Variants in CENPP observed in about 807,000 individuals in gnomAD.
CENPP encodes centromere protein P.
In CENPP, 24 loss-of-function variants were observed where a neutral mutation model predicts 35.6. The ratio of observed to expected loss-of-function variants is 0.67; its 90% CI spans 0.49 to 0.95. The LOEUF is 0.95. Ranked by LOEUF, CENPP falls within the 40% of genes least tolerant of loss-of-function variation. The pLI is 0.00. For synonymous variants in CENPP, 120 were observed against 125.5 expected (o/e 0.96, Z 0.29); for missense variants, 332 against 345.3 (o/e 0.96, Z 0.31).
intron 5 of CENPP, among the ~76,000 whole-genome samples, chr9:92,551,386 G>A (rs1233058392): frequency 6.6e-6 from 1 of 152,056 alleles, no homozygotes. Context: ...CACCCAAGCT[G>A]GACTGTAGTG....
chr9:92,566,381 G>A (rs1849969217), intron 5 of CENPP, among the ~76,000 whole-genome samples: 1 of 151,044 alleles, frequency 6.6e-6, no homozygotes, highest in Non-Finnish European at 1.5e-5. Context: ...TAAATAAACA[G>A]AAACTGTCCA....
chr9:92,359,807 T>A (rs1841695489), intron 4 of CENPP, among the ~76,000 whole-genome samples: 1 of 151,914 alleles, frequency 6.6e-6, no homozygotes, highest in Non-Finnish European at 1.5e-5. Context: ...TTTTTTTGCT[T>A]GCTCTGGCTT....
Position 92,452,591 on chromosome 9 carries a change from T to A in CENPP, c.564+72732T>A, listed in dbSNP as rs183528406. Among the ~76,000 whole-genome samples the A allele has an allele frequency of 3.8e-3, 574 of 152,312 alleles. 4 individuals are homozygous for A. Among genetic ancestry groups the A allele is most frequent in the African/African-American group, 0.013 (526 of 41,560 alleles). ...TTGTGGTGTCTCTGCCAGGCTTTGGTATCAGGATGATGCTGGCCTCATAAA... is the reference window on the plus strand; with the variant it reads ...TTGTGGTGTCTCTGCCAGGCTTTGGAATCAGGATGATGCTGGCCTCATAAA... On this transcript the variant is annotated intron_variant, in intron 5 of 7. Coordinates refer to ENST00000375587, the MANE Select transcript of CENPP (RefSeq NM_001012267.3).
chr9:92,510,128 T>A, intron 5 of CENPP: 1 of 1,395,802 alleles, frequency 7.2e-7, no homozygotes, highest in Non-Finnish European at 9.6e-7. Context: ...CTCACAAACC[T>A]ATCCTTCCTT....
intron 5 of CENPP, among the ~76,000 whole-genome samples, chr9:92,535,327 CT>C (rs1162981986): frequency 6.6e-6 from 1 of 152,096 alleles, no homozygotes; most frequent in Non-Finnish European, 1.5e-5. Flanking sequence ...TTAATATTTG[CT>C]TTCATAAACA....
intron 5 of CENPP, among the ~76,000 whole-genome samples, chr9:92,462,351 C>T (rs1016260094): frequency 6.6e-6 from 1 of 152,152 alleles, no homozygotes; most frequent in African/African-American, 2.4e-5. Context: ...GGCAGGTGCC[C>T]AGTGAATAAT....
chr9:92,392,799 G>A (rs1170582671), intron 5 of CENPP, among the ~76,000 whole-genome samples: 1 of 152,192 alleles, frequency 6.6e-6, no homozygotes, highest in Non-Finnish European at 1.5e-5. Flanking sequence ...AGTGTCTGAA[G>A]CAAGGGATCT....
chr9:92,596,233 A>G (rs1850776166), intron 5 of CENPP, among the ~76,000 whole-genome samples: 1 of 152,136 alleles, frequency 6.6e-6, no homozygotes, highest in Non-Finnish European at 1.5e-5. Context: ...TCCTCGGTTC[A>G]AGTGATCCTC....
intron 5 of CENPP, among the ~76,000 whole-genome samples, chr9:92,608,707 C>T (rs1274914623): frequency 6.6e-6 from 1 of 152,248 alleles, no homozygotes; most frequent in East Asian, 1.9e-4. Flanking sequence ...AGAACCTTTG[C>T]ACACAGTCCC....
chr9:92,597,764 A>T (rs1444364070), intron 5 of CENPP, among the ~76,000 whole-genome samples: 1 of 152,226 alleles, frequency 6.6e-6, no homozygotes, highest in Non-Finnish European at 1.5e-5. Context: ...TAAAATTACT[A>T]CATGATTAAC....
chr9:92,449,659 T>C (rs953846757), intron 5 of CENPP, among the ~76,000 whole-genome samples: 1 of 151,954 alleles, frequency 6.6e-6, no homozygotes, highest in Non-Finnish European at 1.5e-5. Context: ...TGGGAGGTGA[T>C]TGGATCATGG....
chr9:92,455,775 T>G, intron 5 of CENPP, among the ~76,000 whole-genome samples: 1 of 152,172 alleles, frequency 6.6e-6, no homozygotes, highest in East Asian at 1.9e-4. Context: ...TTATTGTTAT[T>G]AAGAATTTAC....
In CENPP at chr9:92,619,531, T is replaced by G. The variant is rs1349678548; in HGVS notation, c.*6382T>G. The stretch of plus-strand genomic sequence containing the variant: ...AGACAGTGCAATCATGATGGAGCAG[T>G]CCTTGGCAGTCATGGCGACGCGGTA... On this transcript the variant is annotated 3_prime_UTR_variant, in exon 8 of 8. Transcript: ENST00000375587. 6.3e-7 allele frequency: 1 copy of G among 1,592,230 alleles called. No homozygotes were observed. Among genetic ancestry groups the G allele is most frequent in the East Asian group, 2.3e-5 (1 of 44,262 alleles).
At chr9:92,568,996 G>A (rs1850067099) in intron 5 of CENPP, among the ~76,000 whole-genome samples, 1 of 152,012 alleles carries the variant, frequency 6.6e-6, no homozygotes, top group Non-Finnish European at 1.5e-5. Flanking sequence ...TTGTCAGATG[G>A]GTAGATTGTA....
At chr9:92,416,094 ATTTATTTTATTTTTT>A (rs1843599744) in intron 5 of CENPP, among the ~76,000 whole-genome samples, 2 of 137,304 alleles carry the variant, frequency 1.5e-5, no homozygotes, top group Non-Finnish European at 3.2e-5. Flanking sequence ...TTATTTATTT[ATTTATTTTATTTTTT>A]TTTTTTTTAA....
At chr9:92,541,399 T>G (rs1013459543) in intron 5 of CENPP, among the ~76,000 whole-genome samples, 2 of 136,288 alleles carry the variant, frequency 1.5e-5, no homozygotes, top group African/African-American at 2.9e-5. Flanking sequence ...CAACCTCCAC[T>G]GCCACCCCCC....
At chr9:92,424,482 T>C (rs563252792) in intron 5 of CENPP, 1 of 152,346 alleles carries the variant, frequency 6.6e-6, no homozygotes, top group East Asian at 1.9e-4. Flanking sequence ...GGCTTACTTC[T>C]TTCTTTTCCC....
At chr9:92,347,800 A>G (rs1170751562) in intron 4 of CENPP, among the ~76,000 whole-genome samples, 1 of 152,182 alleles carries the variant, frequency 6.6e-6, no homozygotes, top group Non-Finnish European at 1.5e-5. Context: ...CAACCATTGT[A>G]TTATTATTTT....
intron 5 of CENPP, among the ~76,000 whole-genome samples, chr9:92,450,099 A>G (rs981047932): frequency 6.6e-6 from 1 of 151,798 alleles, no homozygotes; most frequent in African/African-American, 2.4e-5. Flanking sequence ...TTTTATTATT[A>G]TTATTATTAT....
Sources: gnomAD v4.1 joint callset for allele counts (sites outside exome capture counted in the v4.1 genomes callset) on GRCh38, gnomAD v4.1.1 for gene constraint, MANE v1.5 for transcripts, NCBI Gene and HGNC (gene_info 2026-07-23, HGNC 2026-07-21) for gene names.